UGT1A10: variants seen among roughly 807,000 people sequenced by gnomAD.
UGT1A10 encodes UDP-glucuronosyltransferase 1A10.
Under a neutral mutation model 45.8 loss-of-function variants are expected in UGT1A10, and 49 were observed. That is an observed-to-expected ratio of 1.07 (90% CI 0.85 to 1.36). The LOEUF is 1.36. UGT1A10 is among the 40% of genes most tolerant of loss of function. The probability of loss-of-function intolerance (pLI) is 0.00; values close to 1 mark genes in which losing one functional copy is unlikely to be tolerated. For synonymous variants in UGT1A10, 284 were observed against 249.7 expected, an observed-to-expected ratio of 1.14 and a Z score of -1.29; for missense variants, 745 against 668.6, an observed-to-expected ratio of 1.11 and a Z score of -1.26.
At chr2:233,645,333 C>T (rs951930269) in intron 1 of UGT1A10, among the ~76,000 whole-genome samples, 2 of 152,264 alleles carry the variant, frequency 1.3e-5, no homozygotes, top group Middle Eastern at 3.4e-3. Context: ...CACAGCCAAA[C>T]CATATGATTC....
chr2:233,671,478 T>A (rs1021019712), intron 1 of UGT1A10, among the ~76,000 whole-genome samples: 16 of 152,154 alleles, frequency 1.1e-4, no homozygotes, highest in Non-Finnish European at 1.6e-4. Flanking sequence ...AAGGGCCTTG[T>A]TTTCTTTGCT....
chr2:233,701,378 C>G (rs1424397664), intron 1 of UGT1A10, among the ~76,000 whole-genome samples: 1 of 152,076 alleles, frequency 6.6e-6, no homozygotes, highest in African/African-American at 2.4e-5. Context: ...GACTTAGACT[C>G]CCACACAATA....
intron 1 of UGT1A10, among the ~76,000 whole-genome samples, chr2:233,750,994 C>T (rs1482728432): frequency 6.6e-6 from 1 of 151,790 alleles, no homozygotes; most frequent in Non-Finnish European, 1.5e-5. Context: ...AGGCGGCCAC[C>T]ATCCTCCAGA....
intron 1 of UGT1A10, among the ~76,000 whole-genome samples, chr2:233,655,850 C>A (rs545197897): frequency 7.4e-4 from 113 of 152,366 alleles, no homozygotes; most frequent in African/African-American, 2.4e-3. Flanking sequence ...GTTCCCCCAT[C>A]CCCTCACTCC....
chr2:233,649,850 C>T (rs772964329), intron 1 of UGT1A10, among the ~76,000 whole-genome samples: 1 of 152,194 alleles, frequency 6.6e-6, no homozygotes, highest in Admixed American at 6.5e-5. Context: ...TTTGATTTGA[C>T]TGGATCACTT....
chr2:233,754,919 G>C, intron 1 of UGT1A10: 9 of 1,353,338 alleles, frequency 6.7e-6, no homozygotes, highest in Non-Finnish European at 8.9e-6. Context: ...TCTCCAGCGG[G>C]TTTCCCAAGA....
At chr2:233,747,791 T>A in intron 1 of UGT1A10, 1 of 1,613,564 alleles carries the variant, frequency 6.2e-7, no homozygotes, top group Middle Eastern at 1.7e-4. Context: ...CTTCCTCCTA[T>A]ATTCCTAAGT....
rs183997112 is a variant in UGT1A10 at position 233,642,772 on chromosome 2, T to G, written c.855+5395T>G. On this transcript the variant is annotated intron_variant, in intron 1 of 4. Coordinates refer to ENST00000344644, the MANE Select transcript of UGT1A10 (RefSeq NM_019075.4). ...GCTGTGGTTCTTGCAGACTTGTAGA[T>G]GTATTGCCTTGATGGTCTTGGACAA... Among the ~76,000 whole-genome samples the G allele has an allele frequency of 6.9e-3, 1,057 of 152,364 alleles. 43 individuals are homozygous for G. Among genetic ancestry groups the G allele is most frequent in the Admixed American group, 0.055 (838 of 15,308 alleles).
rs1159793731 is a variant in UGT1A10, at chr2:233,751,025, T to C, written c.856-16009T>C. Reference sequence around the variant, plus strand: ...CCAGAATCCCAAATAGTAGATCCAATAGCTTGCACTGTGTGCCTGGAAAAG... The same window carrying C: ...CCAGAATCCCAAATAGTAGATCCAACAGCTTGCACTGTGTGCCTGGAAAAG... On this transcript the variant is annotated intron_variant, in intron 1 of 4. Transcript: ENST00000344644. 8.6e-5 allele frequency among the ~76,000 whole-genome samples: 13 copies of C among 151,868 alleles called. 1 individual carries two copies. Among genetic ancestry groups the C allele is most frequent in the African/African-American group, 2.2e-4 (9 of 41,208 alleles).
intron 1 of UGT1A10, among the ~76,000 whole-genome samples, chr2:233,640,423 C>A (rs796075766): frequency 2.0e-5 from 3 of 152,100 alleles, no homozygotes; most frequent in African/African-American, 7.2e-5. Context: ...ATTTGTTACA[C>A]GGCCACAATA....
chr2:233,757,478 C>T (rs1489873843), intron 1 of UGT1A10, among the ~76,000 whole-genome samples: 8 of 146,268 alleles, frequency 5.5e-5, no homozygotes, highest in African/African-American at 1.5e-4. Flanking sequence ...TCTCCAAAAC[C>T]ATGGACTGGC....
Position 233,772,346 on chromosome 2 carries a change from G to A in UGT1A10, c.1380G>A (p.Glu460=), listed in dbSNP as rs115944950. ...TGGACCTGGCCGTGTTCTGGGTGGA[G>A]TTTGTGATGAGGCACAAGGGCGCGC... The part of the protein sequence containing the change: ...EPLDLAVFWV[E]FVMRHKGAPH... Residue 460 remains glutamate, a synonymous_variant, in exon 5 of 5, where the codon GAG becomes GAA. Coordinates refer to ENST00000344644, the MANE Select transcript of UGT1A10 (RefSeq NM_019075.4). The A allele has an allele frequency of 6.2e-7, 1 of 1,614,250 alleles. No homozygotes were observed. Among genetic ancestry groups the A allele is most frequent in the African/African-American group, 1.3e-5 (1 of 75,066 alleles).
At position 233,744,967 on chromosome 2, in the gene UGT1A10, CTTT is replaced by C. The variant is rs1270032038; in HGVS notation, c.856-22066_856-22064del. On this transcript the variant is annotated intron_variant, in intron 1 of 4. Transcript: ENST00000344644. ...TTGTATATAACCTACCAATATCCTTCTTTAAGCCTCTAGTCATCTCTTGATTAC... is the reference window on the plus strand; with the variant it reads ...TTGTATATAACCTACCAATATCCTTCAAGCCTCTAGTCATCTCTTGATTAC... Among the ~76,000 whole-genome samples the C allele has an allele frequency of 3.3e-5, 5 of 151,902 alleles. No individual in the cohort carries two copies. In the East Asian group the frequency reaches 9.6e-4, roughly 29 times the overall value.
intron 1 of UGT1A10, among the ~76,000 whole-genome samples, chr2:233,710,240 AC>A (rs2076122000): frequency 6.6e-6 from 1 of 152,210 alleles, no homozygotes; most frequent in Middle Eastern, 3.2e-3. Flanking sequence ...CTATTCGAGT[AC>A]GAGTGTTTCT....
At chr2:233,645,974 G>A (rs2073591963) in intron 1 of UGT1A10, among the ~76,000 whole-genome samples, 1 of 152,204 alleles carries the variant, frequency 6.6e-6, no homozygotes, top group Admixed American at 6.5e-5. Context: ...TGAGGGTCCT[G>A]CCCCTGCAGC....
chr2:233,672,395 G>T (rs2074225394), intron 1 of UGT1A10: 1 of 1,614,000 alleles, frequency 6.2e-7, no homozygotes, highest in Non-Finnish European at 8.5e-7. Flanking sequence ...GATAACTGTG[G>T]CTTAATTGTT....
chr2:233,729,424 T>C lies in UGT1A10; in HGVS notation c.856-37610T>C, dbSNP rs371703949. 59 of 1,613,782 alleles carry C rather than the reference T, an allele frequency of 3.7e-5. No homozygotes were observed. The highest frequency in any genetic ancestry group is 4.8e-5 in the Non-Finnish European group (57 of 1,179,838). ...CCATGTGCTGGGCCACACTCAACTGTACTTTGAAACAGAACATTTTCTGAA... is the reference window on the plus strand; with the variant it reads ...CCATGTGCTGGGCCACACTCAACTGCACTTTGAAACAGAACATTTTCTGAA... On this transcript the variant is annotated intron_variant, in intron 1 of 4. Coordinates refer to ENST00000344644, the MANE Select transcript of UGT1A10 (RefSeq NM_019075.4).
intron 1 of UGT1A10, among the ~76,000 whole-genome samples, chr2:233,677,450 C>G (rs2074390923): frequency 6.6e-6 from 1 of 152,116 alleles, no homozygotes; most frequent in Non-Finnish European, 1.5e-5. Flanking sequence ...TACCAAAAGC[C>G]TTGCCAATAC....
intron 1 of UGT1A10, chr2:233,693,465 C>T (rs139410055): frequency 3.7e-6 from 6 of 1,614,070 alleles, no homozygotes; most frequent in Non-Finnish European, 5.1e-6. Context: ...CCAGCCTTAC[C>T]CTGTGGGGTG....
Sources: allele counts gnomAD v4.1 joint callset (sites outside exome capture counted in the v4.1 genomes callset), GRCh38; gene constraint gnomAD v4.1.1; transcripts MANE v1.5; gene names NCBI Gene and HGNC (gene_info 2026-07-23, HGNC 2026-07-21).